Variants in KIF6 observed in about 807,000 individuals in gnomAD.
The protein encoded by KIF6 is kinesin family member 6, also known as kinesin-like protein KIF6.
A neutral mutation model predicts 112.7 loss-of-function variants in KIF6; 106 were observed. The ratio of observed to expected loss-of-function variants is 0.94; its 90% CI spans 0.80 to 1.11. The LOEUF is 1.11. Ranked by LOEUF, KIF6 falls within the 50% of genes least tolerant of loss-of-function variation. The pLI is 0.00. For missense variants in KIF6, 929 were observed against 964.0 expected (o/e 0.96, Z 0.48); for synonymous variants, 339 against 339.9 (o/e 1.00, Z 0.03).
chr6:39,550,267 T>C (rs551537412), intron 10 of KIF6, among the ~76,000 whole-genome samples: 49 of 152,308 alleles, frequency 3.2e-4, no homozygotes, highest in African/African-American at 1.2e-3. Flanking sequence ...ACCATATCTC[T>C]ATGGCACTGG....
chr6:39,387,823 C>G (rs1461151276), intron 15 of KIF6, among the ~76,000 whole-genome samples: 3 of 152,196 alleles, frequency 2.0e-5, no homozygotes, highest in Non-Finnish European at 4.4e-5. Context: ...TGGGATAGCA[C>G]ATGCATGCTC....
chr6:39,422,306 G>A (rs1770430884), intron 14 of KIF6, among the ~76,000 whole-genome samples: 1 of 152,138 alleles, frequency 6.6e-6, no homozygotes, highest in Non-Finnish European at 1.5e-5. Flanking sequence ...GTGTCTGGGG[G>A]GCCTGGCAGA....
intron 13 of KIF6, among the ~76,000 whole-genome samples, chr6:39,454,461 C>G (rs1772906772): frequency 8.2e-6 from 1 of 121,486 alleles, no homozygotes; most frequent in Admixed American, 9.1e-5. Flanking sequence ...TCCAGGAGCA[C>G]AATAAATCCT....
At chr6:39,357,449 T>A in intron 18 of KIF6, 75 bp from the exon 19 acceptor site, 55 of 83,832 alleles carry the variant, frequency 6.6e-4, no homozygotes, top group Non-Finnish European at 1.1e-3. Context: ...GATGTAATTC[T>A]TTTTTTTTTT....
intron 16 of KIF6, among the ~76,000 whole-genome samples, chr6:39,370,752 AG>A (rs1241034334): frequency 6.6e-6 from 1 of 151,520 alleles, no homozygotes; most frequent in African/African-American, 2.4e-5. Flanking sequence ...TTCCTCCCTC[AG>A]GGGCAGTGAA....
intron 17 of KIF6, among the ~76,000 whole-genome samples, chr6:39,362,057 AGTCGTTTG>A (rs1220883102): frequency 1.3e-5 from 2 of 152,140 alleles, no homozygotes; most frequent in African/African-American, 2.4e-5. Flanking sequence ...CTGTAAGTGA[AGTCGTTTG>A]GAGACCCCAA....
intron 15 of KIF6, among the ~76,000 whole-genome samples, chr6:39,392,094 C>T (rs1412141090): frequency 4.6e-5 from 7 of 152,240 alleles, no homozygotes; most frequent in Middle Eastern, 6.8e-3. Context: ...GGTGTTCTTA[C>T]AATTTGTATT....
chr6:39,381,931 GC>G (rs2150307750), intron 16 of KIF6, among the ~76,000 whole-genome samples: 1 of 152,300 alleles, frequency 6.6e-6, no homozygotes, highest in East Asian at 1.9e-4. Flanking sequence ...AGAGAGATGA[GC>G]AGAGGAATTA....
Position 39,430,393 on chromosome 6 carries a change from CAT to C in KIF6, c.1754+658_1754+659del, listed in dbSNP as rs1771067334. On this transcript the variant is annotated intron_variant, in intron 14 of 22. Coordinates refer to ENST00000287152, the MANE Select transcript of KIF6 (RefSeq NM_145027.6). ...TGCTAGGATCCACAGTCTCATGTGA[CAT>C]ATGAGAGTTCACCCTTTCTTCTGAG... 2.0e-5 allele frequency among the ~76,000 whole-genome samples: 3 copies of C among 152,284 alleles called. No homozygotes were observed. The South Asian group carries it at 6.2e-4, about 32-fold the overall frequency.
intron 14 of KIF6, among the ~76,000 whole-genome samples, chr6:39,423,360 T>A (rs1030728951): frequency 6.6e-6 from 1 of 152,118 alleles, no homozygotes; most frequent in African/African-American, 2.4e-5. Context: ...TCTGTCTTTT[T>A]CCCCCTCTCT....
At chr6:39,502,167 G>T (rs967550350) in intron 13 of KIF6, among the ~76,000 whole-genome samples, 4 of 152,186 alleles carry the variant, frequency 2.6e-5, no homozygotes, top group Non-Finnish European at 5.9e-5. Context: ...AGCCGGAAGA[G>T]ATTGTGGGCC....
At chr6:39,676,705 T>A (rs901327726) in intron 3 of KIF6, among the ~76,000 whole-genome samples, 5 of 152,124 alleles carry the variant, frequency 3.3e-5, no homozygotes, top group Admixed American at 6.5e-5. Flanking sequence ...CTTTATAAAG[T>A]CAAGTATGTT....
intron 13 of KIF6, among the ~76,000 whole-genome samples, chr6:39,449,737 T>C (rs1240385622): frequency 1.3e-5 from 2 of 152,180 alleles, no homozygotes; most frequent in African/African-American, 2.4e-5. Context: ...CGCAGTCCCA[T>C]TGTAAACAGG....
intron 7 of KIF6, among the ~76,000 whole-genome samples, chr6:39,592,566 C>T: frequency 6.6e-6 from 1 of 152,220 alleles, no homozygotes; most frequent in East Asian, 1.9e-4. Context: ...CCAGTGGTTT[C>T]TCACTTGATG....
chr6:39,507,818 A>G (rs1232390165), intron 13 of KIF6, among the ~76,000 whole-genome samples: 1 of 150,366 alleles, frequency 6.7e-6, no homozygotes, highest in East Asian at 2.0e-4. Context: ...GCCATCTCCT[A>G]CCACTTGACC....
chr6:39,551,934 T>C (rs1172442905), intron 10 of KIF6, among the ~76,000 whole-genome samples: 1 of 152,240 alleles, frequency 6.6e-6, no homozygotes, highest in East Asian at 1.9e-4. Context: ...CTATTAAGGC[T>C]TTGCTATTCG....
chr6:39,527,291 C>A (rs966605843), intron 13 of KIF6, among the ~76,000 whole-genome samples: 12 of 152,164 alleles, frequency 7.9e-5, no homozygotes, highest in African/African-American at 2.9e-4. Flanking sequence ...TTCCTTTATG[C>A]CATGAAGACC....
At chr6:39,371,466 C>A (rs764683749) in intron 16 of KIF6, among the ~76,000 whole-genome samples, 3 of 152,124 alleles carry the variant, frequency 2.0e-5, no homozygotes, top group African/African-American at 4.8e-5. Context: ...GACTTCTCTG[C>A]GGGGGTCACA....
At chr6:39,493,709 C>T (rs1464546598) in intron 13 of KIF6, among the ~76,000 whole-genome samples, 1 of 152,226 alleles carries the variant, frequency 6.6e-6, no homozygotes, top group Non-Finnish European at 1.5e-5. Flanking sequence ...ATTTTCCAAA[C>T]AGAATATTTT....
Sources: gnomAD v4.1 joint callset for allele counts (sites outside exome capture counted in the v4.1 genomes callset) on GRCh38, gnomAD v4.1.1 for gene constraint, MANE v1.5 for transcripts, NCBI Gene and HGNC (gene_info 2026-07-23, HGNC 2026-07-21) for gene names.